The following GATA4 variants were observed in gnomAD, a reference collection of about 807,000 sequenced individuals.
GATA4 encodes the protein GATA binding protein 4.
GATA4 carries 7 observed loss-of-function variants against 37.9 expected under a neutral mutation model. That is an observed-to-expected ratio of 0.18 (90% CI 0.11 to 0.35). The LOEUF (loss-of-function observed/expected upper bound fraction) is 0.35. GATA4 is among the 10% of genes least tolerant of loss of function. GATA4 has a pLI of 1.00. For missense variants in GATA4, 647 were observed against 653.0 expected, an observed-to-expected ratio of 0.99 and a Z score of 0.10; for synonymous variants, 372 against 292.6, an observed-to-expected ratio of 1.27 and a Z score of -2.77.
chr8:11,682,758 A>T (rs1370780296), intron 1 of GATA4, among the ~76,000 whole-genome samples: 2 of 152,180 alleles, frequency 1.3e-5, no homozygotes, highest in Non-Finnish European at 2.9e-5. Context: ...TTACTATCCT[A>T]CTGGTCAGAC....
intron 2 of GATA4, among the ~76,000 whole-genome samples, chr8:11,741,151 T>C (rs888191947): frequency 6.6e-6 from 1 of 152,206 alleles, no homozygotes; most frequent in Non-Finnish European, 1.5e-5. Flanking sequence ...TGAAGTCTTA[T>C]TCACCACCAT....
chr8:11,738,859 C>T (rs1016076275), intron 2 of GATA4, among the ~76,000 whole-genome samples: 1 of 152,212 alleles, frequency 6.6e-6, no homozygotes, highest in African/African-American at 2.4e-5. Context: ...GGCATCATCA[C>T]AACACAGTGA....
At chr8:11,738,057 T>C (rs1244011875) in intron 2 of GATA4, among the ~76,000 whole-genome samples, 1 of 151,730 alleles carries the variant, frequency 6.6e-6, no homozygotes, top group African/African-American at 2.4e-5. Context: ...GGTATATACC[T>C]GTAATCCCAG....
At chr8:11,679,496 G>GGAGAT (rs1040352540) in intron 1 of GATA4, among the ~76,000 whole-genome samples, 9 of 152,360 alleles carry the variant, frequency 5.9e-5, no homozygotes, top group Non-Finnish European at 1.3e-4. Context: ...GGAGAGGAGA[G>GGAGAT]TGGAGCCCTC....
intron 1 of GATA4, chr8:11,681,368 T>A: frequency 1.0e-6 from 1 of 985,162 alleles, no homozygotes; most frequent in South Asian, 4.7e-5. Context: ...TCCCCCTAGG[T>A]CTCATAAAAA....
chr8:11,741,445 C>T (rs1176478758), intron 2 of GATA4, among the ~76,000 whole-genome samples: 3 of 151,984 alleles, frequency 2.0e-5, no homozygotes, highest in African/African-American at 7.3e-5. Flanking sequence ...AGCTGCTGGA[C>T]TCCAGCCTGG....
intron 2 of GATA4, among the ~76,000 whole-genome samples, chr8:11,720,356 T>G (rs946867593): frequency 6.6e-5 from 10 of 152,080 alleles, no homozygotes; most frequent in Non-Finnish European, 7.4e-5. Flanking sequence ...AAACTCGAAT[T>G]CATGCTTGCC....
At chr8:11,701,020 T>G (rs897215698), upstream of GATA4, among the ~76,000 whole-genome samples, 3 of 152,162 alleles carry the variant, frequency 2.0e-5, no homozygotes, top group South Asian at 2.1e-4. Flanking sequence ...TTTTTATTTT[T>G]GGGGGGAACC....
intron 1 of GATA4, among the ~76,000 whole-genome samples, chr8:11,705,005 G>A (rs576466491): frequency 6.6e-6 from 1 of 152,388 alleles, no homozygotes; most frequent in South Asian, 2.1e-4. Context: ...CGGCCACGGG[G>A]CTGCCCGGAT....
chr8:11,682,606 A>C (rs939817317), intron 1 of GATA4, among the ~76,000 whole-genome samples: 3 of 11,032 alleles, frequency 2.7e-4, no homozygotes, highest in African/African-American at 3.4e-4. Flanking sequence ...TTAACTCTTA[A>C]AAAAAAATTC....
chr8:11,758,543 C>A lies in GATA4; in HGVS notation c.*68C>A. The A allele has an allele frequency of 1.3e-6, 2 of 1,532,272 alleles. No homozygotes were observed. The highest frequency in any genetic ancestry group is 2.7e-5 in the African/African-American group (2 of 73,330). 94.9% of individuals were successfully genotyped at this position (1,532,272 alleles called of 1,614,324 possible). On this transcript the variant is annotated 3_prime_UTR_variant, in exon 7 of 7. Coordinates refer to ENST00000532059, the MANE Select transcript of GATA4 (RefSeq NM_001308093.3). ...TTGGAGGATAGCAAAGAAGGAGGCCCTGGGCTCCCAGGGGCCGGCCTCCTC... is the reference window on the plus strand; with the variant it reads ...TTGGAGGATAGCAAAGAAGGAGGCCATGGGCTCCCAGGGGCCGGCCTCCTC...
In GATA4 at chr8:11,681,380, T is replaced by G; in HGVS notation, c.-274+4317T>G. ...TCGTCCCCCTAGGTCTCATAAAAAC[T>G]CCTGGCAGACCCTTCCGGGATCACG... On this transcript the variant is annotated intron_variant, in intron 1 of 6. Transcript: ENST00000528712. 4.1e-6 allele frequency: 4 copies of G among 985,010 alleles called. 1 individual carries two copies. The highest frequency in any genetic ancestry group is 4.8e-6 in the Non-Finnish European group (4 of 829,898). The allele number at this position is 985,010 out of a possible 1,614,324, so 61.0% of individuals were successfully genotyped here. A position where few individuals can be genotyped will look rare whatever the true frequency, so the allele number is the denominator to read the frequency against.
chr8:11,721,687 C>G (rs2130147569), intron 2 of GATA4, among the ~76,000 whole-genome samples: 1 of 152,240 alleles, frequency 6.6e-6, no homozygotes, highest in Middle Eastern at 3.4e-3. Flanking sequence ...TTTTAGTCCC[C>G]AAATCTGGAG....
intron 2 of GATA4, among the ~76,000 whole-genome samples, chr8:11,734,430 C>G (rs1406229705): frequency 6.6e-5 from 10 of 152,218 alleles, no homozygotes; most frequent in Admixed American, 1.3e-4. Context: ...TTGCAGAAGA[C>G]CATCATCTCA....
chr8:11,682,110 T>C (rs772011184), intron 1 of GATA4, among the ~76,000 whole-genome samples: 1 of 152,248 alleles, frequency 6.6e-6, no homozygotes. Flanking sequence ...TCTTAGGTTT[T>C]TACCTCTAAC....
upstream of GATA4, chr8:11,700,780 T>C (rs1392741704): frequency 1.3e-5 from 2 of 152,216 alleles, no homozygotes; most frequent in Non-Finnish European, 2.9e-5. Context: ...TAGAATGAGG[T>C]TTGATTCTCT....
At chr8:11,757,131 TG>T in intron 6 of GATA4, 48 bp downstream of exon 6, 1 of 1,608,982 alleles carries the variant, frequency 6.2e-7, no homozygotes, top group South Asian at 1.1e-5. Flanking sequence ...GGAGGCCGAC[TG>T]CAGAGTCCCA....
chr8:11,736,236 G>GT (rs1801446964), intron 2 of GATA4, among the ~76,000 whole-genome samples: 1 of 152,202 alleles, frequency 6.6e-6, no homozygotes, highest in Admixed American at 6.5e-5. Flanking sequence ...TAAAAATTGC[G>GT]TAATTTAAAC....
intron 1 of GATA4, chr8:11,694,478 G>A (rs964366531): frequency 1.0e-6 from 1 of 985,288 alleles, no homozygotes; most frequent in Non-Finnish European, 1.2e-6. Flanking sequence ...TCTCCGAGCC[G>A]TGGACTGCAT....
Sources: gnomAD v4.1 joint callset for allele counts (sites outside exome capture counted in the v4.1 genomes callset) on GRCh38, gnomAD v4.1.1 for gene constraint, MANE v1.5 for transcripts, NCBI Gene and HGNC (gene_info 2026-07-23, HGNC 2026-07-21) for gene names.